YEATS4: variants seen among roughly 807,000 people sequenced by gnomAD.
YEATS4 encodes the protein YEATS domain containing 4.
Under a neutral mutation model 30.1 loss-of-function variants are expected in YEATS4, and 17 were observed. The ratio of observed to expected loss-of-function variants is 0.56; its 90% CI spans 0.39 to 0.85. The LOEUF (loss-of-function observed/expected upper bound fraction) is 0.85, where lower values mean the gene tolerates loss of function less well. YEATS4 is among the 40% of genes least tolerant of loss of function. The pLI is 0.00. For missense variants in YEATS4, 142 were observed against 268.3 expected (o/e 0.53, Z 3.29); for synonymous variants, 85 against 87.5 (o/e 0.97, Z 0.16).
In YEATS4 at chr12:69,379,770, A is replaced by G. The variant is rs1876002956; in HGVS notation, c.514+8795A>G. 2.6e-5 allele frequency among the ~76,000 whole-genome samples: 4 copies of G among 151,498 alleles called. No homozygotes were observed. In the South Asian group the frequency reaches 8.3e-4, roughly 32 times the overall value. On this transcript the variant is annotated intron_variant, in intron 6 of 6. Coordinates refer to ENST00000247843, the MANE Select transcript of YEATS4 (RefSeq NM_006530.4). ...TTTCCCCTTTTCTAGGTTATTTTCT[A>G]GAACTTGTAGATGTGCTTCATTTTC...
At chr12:69,361,756 C>G (rs1875219199) in intron 1 of YEATS4, among the ~76,000 whole-genome samples, 1 of 152,092 alleles carries the variant, frequency 6.6e-6, no homozygotes, top group South Asian at 2.1e-4. Context: ...TTTATCTTTC[C>G]AACATAATCT....
chr12:69,405,265 A>G, the YEATS4 span, among the ~76,000 whole-genome samples: 1 of 152,182 alleles, frequency 6.6e-6, no homozygotes, highest in Non-Finnish European at 1.5e-5. Context: ...TATAAGCACT[A>G]TGTTCTTTCC....
At chr12:69,403,981 C>G in the YEATS4 span, among the ~76,000 whole-genome samples, 2 of 152,016 alleles carry the variant, frequency 1.3e-5, no homozygotes, top group South Asian at 4.2e-4. Context: ...TCTTCTCAGT[C>G]TCTTTCAGCA....
chr12:69,401,221 A>G, the YEATS4 span: 2 of 152,156 alleles, frequency 1.3e-5, no homozygotes, highest in Admixed American at 1.3e-4. Flanking sequence ...AAAAATTGAA[A>G]ATTTACCATT....
chr12:69,412,467 G>A, the YEATS4 span, among the ~76,000 whole-genome samples: 4 of 152,066 alleles, frequency 2.6e-5, no homozygotes, highest in East Asian at 5.8e-4. Flanking sequence ...TGGCCAATAT[G>A]GTGAAACCCC....
chr12:69,369,891 C>G (rs751446310), intron 4 of YEATS4, among the ~76,000 whole-genome samples: 1 of 152,114 alleles, frequency 6.6e-6, no homozygotes, highest in Non-Finnish European at 1.5e-5. Flanking sequence ...GTTAATTGAG[C>G]TAGATTGTCT....
the YEATS4 span, among the ~76,000 whole-genome samples, chr12:69,396,378 T>G: frequency 2.0e-5 from 3 of 152,212 alleles, no homozygotes; most frequent in African/African-American, 7.2e-5. Flanking sequence ...AGATTCAATT[T>G]TAATTCAGCA....
chr12:69,389,428 C>G (rs1177427665), intron 6 of YEATS4, among the ~76,000 whole-genome samples: 1 of 138,248 alleles, frequency 7.2e-6, no homozygotes, highest in African/African-American at 2.7e-5. Context: ...CCAGCCTGGG[C>G]GACAAGAGCG....
intron 6 of YEATS4, among the ~76,000 whole-genome samples, chr12:69,383,734 C>T (rs1399647098): frequency 6.6e-6 from 1 of 152,114 alleles, no homozygotes. Context: ...ACAGTAAGGT[C>T]AGAAGATGAC....
At chr12:69,366,178 TAATA>T (rs1468169760) in intron 4 of YEATS4, among the ~76,000 whole-genome samples, 1 of 152,178 alleles carries the variant, frequency 6.6e-6, no homozygotes, top group Non-Finnish European at 1.5e-5. Flanking sequence ...CGGTTATTAG[TAATA>T]AATAAGTTGA....
downstream of YEATS4, among the ~76,000 whole-genome samples, chr12:69,394,695 C>T (rs1238162972): frequency 6.6e-6 from 1 of 152,064 alleles, no homozygotes; most frequent in Non-Finnish European, 1.5e-5. Context: ...GCAGCCTTGA[C>T]CTTTCTGGCT....
chr12:69,383,551 A>G (rs1214866376), intron 6 of YEATS4, among the ~76,000 whole-genome samples: 1 of 152,214 alleles, frequency 6.6e-6, no homozygotes, highest in Admixed American at 6.5e-5. Context: ...AACAGCAAAT[A>G]TGGAGGGAGA....
At chr12:69,365,451 A>G (rs1474485283) in intron 2 of YEATS4, among the ~76,000 whole-genome samples, 182 bp from the exon 3 acceptor site, 1 of 150,196 alleles carries the variant, frequency 6.7e-6, no homozygotes, top group Non-Finnish European at 1.5e-5. Context: ...ACTCCATCTC[A>G]GGAAAAAAAA....
intron 1 of YEATS4, among the ~76,000 whole-genome samples, chr12:69,362,214 C>T (rs1330779499): frequency 1.3e-5 from 2 of 152,020 alleles, no homozygotes; most frequent in Non-Finnish European, 2.9e-5. Context: ...GGTGGGGTTT[C>T]ACCATCTTGG....
intron 1 of YEATS4, among the ~76,000 whole-genome samples, chr12:69,362,014 T>TTG (rs1875233888): frequency 1.2e-5 from 1 of 83,100 alleles, no homozygotes; most frequent in African/African-American, 6.2e-5. Context: ...TGTTTGGTTG[T>TTG]TTTTTTTTTT....
downstream of YEATS4, among the ~76,000 whole-genome samples, chr12:69,393,367 C>T (rs1431717467): frequency 1.3e-5 from 2 of 152,096 alleles, no homozygotes; most frequent in South Asian, 4.1e-4. Flanking sequence ...GCTCAGGAGG[C>T]TGAGGCAGGA....
chr12:69,370,380 T>G (rs1182212409), intron 4 of YEATS4, among the ~76,000 whole-genome samples: 4 of 152,194 alleles, frequency 2.6e-5, no homozygotes, highest in Non-Finnish European at 1.5e-5. Context: ...CTTGTGTAAG[T>G]AAAAGAATTC....
downstream of YEATS4, among the ~76,000 whole-genome samples, chr12:69,394,078 C>CA (rs1868334439): frequency 6.6e-6 from 1 of 152,040 alleles, no homozygotes; most frequent in Non-Finnish European, 1.5e-5. Context: ...GAGGAAAAAA[C>CA]AAAGGGGGCA....
chr12:69,412,831 G>A, the YEATS4 span, among the ~76,000 whole-genome samples: 43,863 of 151,894 alleles, frequency 0.29, 7,171 homozygotes, highest in Non-Finnish European at 0.37. Flanking sequence ...AGGATGACAT[G>A]GGAGGGAGAG....
Sources: gnomAD v4.1 joint callset for allele counts (sites outside exome capture counted in the v4.1 genomes callset) on GRCh38, gnomAD v4.1.1 for gene constraint, MANE v1.5 for transcripts, NCBI Gene and HGNC (gene_info 2026-07-23, HGNC 2026-07-21) for gene names.